Variants in ACBD6 observed in about 807,000 individuals in gnomAD.
ACBD6 encodes the protein acyl-CoA binding domain containing 6, also known as acyl-CoA-binding domain-containing protein 6.
Under a neutral mutation model 37.2 loss-of-function variants are expected in ACBD6, and 28 were observed. That is an observed-to-expected ratio of 0.75 (90% CI 0.56 to 1.03). The LOEUF (loss-of-function observed/expected upper bound fraction) is 1.03, where lower values mean the gene tolerates loss of function less well. Ranked by LOEUF, ACBD6 falls within the 50% of genes least tolerant of loss-of-function variation. The pLI is 0.00. For synonymous variants in ACBD6, 113 were observed against 126.8 expected (o/e 0.89, Z 0.73); for missense variants, 340 against 337.4 (o/e 1.01, Z -0.06).
chr1:180,319,390 T>G (rs549996442), intron 6 of ACBD6, among the ~76,000 whole-genome samples: 23 of 152,338 alleles, frequency 1.5e-4, no homozygotes, highest in African/African-American at 5.5e-4. Context: ...AGTAGGTATA[T>G]ATATTTGTGG....
At chr1:180,321,863 T>G (rs1192354916) in intron 6 of ACBD6, among the ~76,000 whole-genome samples, 2 of 152,160 alleles carry the variant, frequency 1.3e-5, no homozygotes, top group Non-Finnish European at 2.9e-5. Context: ...TGCCCTTTAT[T>G]TCTTTTTCTT....
chr1:180,378,650 A>G (rs1007290097), intron 6 of ACBD6, among the ~76,000 whole-genome samples: 3 of 152,344 alleles, frequency 2.0e-5, no homozygotes, highest in African/African-American at 7.2e-5. Context: ...TTCAAGACAG[A>G]AAGCAGGAAA....
chr1:180,271,829 T>C, exon 14 of ACBD6: 1 of 1,613,740 alleles, frequency 6.2e-7, no homozygotes, highest in Non-Finnish European at 8.5e-7. Flanking sequence ...TGTGCTTGTG[T>C]GGCAGGTTTG....
At chr1:180,334,876 G>A (rs1651639676) in intron 6 of ACBD6, among the ~76,000 whole-genome samples, 1 of 152,188 alleles carries the variant, frequency 6.6e-6, no homozygotes, top group Non-Finnish European at 1.5e-5. Context: ...ACAAGCCTCA[G>A]TAGCCGATTC....
At chr1:180,271,069 G>A (rs1353429160) in exon 14 of ACBD6, 2 of 435,658 alleles carry the variant, frequency 4.6e-6, no homozygotes, top group African/African-American at 4.0e-5. Context: ...TCATGACAGG[G>A]ACGTGTGGAA....
intron 5 of ACBD6, among the ~76,000 whole-genome samples, chr1:180,402,203 T>A (rs1647401555): frequency 6.6e-6 from 1 of 152,116 alleles, no homozygotes; most frequent in African/African-American, 2.4e-5. Context: ...CTCCCCTACC[T>A]GCAATCACCA....
chr1:180,466,367 T>C (rs1256392732), intron 3 of ACBD6, among the ~76,000 whole-genome samples: 2 of 152,164 alleles, frequency 1.3e-5, no homozygotes, highest in Non-Finnish European at 2.9e-5. Flanking sequence ...CTGGGACTAT[T>C]TGTGGCCACA....
At chr1:180,370,046 T>C (rs79283864) in intron 6 of ACBD6, among the ~76,000 whole-genome samples, 3,003 of 152,318 alleles carry the variant, frequency 0.02, 101 homozygotes, top group African/African-American at 0.067. Flanking sequence ...TCTTAGCTTA[T>C]ATCAAACACA....
chr1:180,271,079 A>C, exon 14 of ACBD6: 2 of 452,162 alleles, frequency 4.4e-6, no homozygotes, highest in Non-Finnish European at 8.3e-6. Flanking sequence ...GACGTGTGGA[A>C]TTGGGTACAT....
intron 8 of ACBD6, among the ~76,000 whole-genome samples, chr1:180,282,147 A>T (rs182948678): frequency 4.6e-4 from 70 of 152,366 alleles, no homozygotes; most frequent in African/African-American, 1.6e-3. Context: ...TGGGCAAGTT[A>T]CAGGGTGTCC....
At chr1:180,356,862 A>G (rs1004918228) in intron 6 of ACBD6, among the ~76,000 whole-genome samples, 2 of 151,978 alleles carry the variant, frequency 1.3e-5, no homozygotes. Context: ...AAAGAAAAAA[A>G]AAAACAAAGA....
At chr1:180,304,973 G>C (rs1650292110) in intron 7 of ACBD6, among the ~76,000 whole-genome samples, 1 of 152,054 alleles carries the variant, frequency 6.6e-6, no homozygotes, top group Admixed American at 6.6e-5. Context: ...TCTGATCTTT[G>C]ACAAACCTGA....
intron 3 of ACBD6, among the ~76,000 whole-genome samples, chr1:180,483,353 C>T (rs946947519): frequency 2.6e-5 from 4 of 152,132 alleles, no homozygotes; most frequent in Non-Finnish European, 5.9e-5. Flanking sequence ...TATCCTTCTT[C>T]CCTGCTTTCT....
In ACBD6 at chr1:180,343,440, TG is replaced by T. The variant is rs1273156576; in HGVS notation, c.664-28719del. Among the ~76,000 whole-genome samples the T allele has an allele frequency of 2.0e-5, 3 of 152,308 alleles. No homozygotes were observed. The East Asian group carries it at 5.8e-4, about 29-fold the overall frequency. ...ATGATTCTTTACCATACCTTTAAAA[TG>T]GTAGAGAATCATGGAAGCTCCCTTC... On this transcript the variant is annotated intron_variant, in intron 6 of 7. Transcript: ENST00000367595.
At chr1:180,444,626 C>G (rs1459672900) in intron 3 of ACBD6, among the ~76,000 whole-genome samples, 1 of 152,228 alleles carries the variant, frequency 6.6e-6, no homozygotes, top group East Asian at 1.9e-4. Context: ...TTGATATCCA[C>G]TCCAGTGAAA....
intron 6 of ACBD6, among the ~76,000 whole-genome samples, chr1:180,325,830 T>C (rs2149297362): frequency 6.6e-6 from 1 of 152,336 alleles, no homozygotes; most frequent in South Asian, 2.1e-4. Context: ...TTATCTGGAT[T>C]ATCAGACAGA....
chr1:180,311,305 G>C (rs551422331), intron 7 of ACBD6, among the ~76,000 whole-genome samples: 1 of 152,290 alleles, frequency 6.6e-6, no homozygotes, highest in African/African-American at 2.4e-5. Context: ...CTGTGCCATG[G>C]ATAAGAAAGT....
chr1:180,438,798 T>A lies in ACBD6; in HGVS notation c.385-8536A>T, dbSNP rs551671521. Among the ~76,000 whole-genome samples, 3 of 152,300 alleles carry A rather than the reference T, an allele frequency of 2.0e-5. No homozygotes were observed. In the South Asian group the frequency reaches 6.2e-4, roughly 32 times the overall value. Reference sequence around the variant, plus strand: ...GTCCATAGTTTACATTAGGGTTCACTCTTGTATTGAACATTCTATGGGTTT... The same window carrying A: ...GTCCATAGTTTACATTAGGGTTCACACTTGTATTGAACATTCTATGGGTTT... On this transcript the variant is annotated intron_variant, in intron 3 of 7. Coordinates refer to ENST00000367595, the MANE Select transcript of ACBD6 (RefSeq NM_032360.4).
intron 10 of ACBD6, chr1:180,274,609 C>T (rs771166162): frequency 3.9e-6 from 6 of 1,527,992 alleles, no homozygotes; most frequent in Non-Finnish European, 3.5e-6. Flanking sequence ...TACCTGCCCC[C>T]CTGGCTTGAG....
Sources: allele counts gnomAD v4.1 joint callset (sites outside exome capture counted in the v4.1 genomes callset), GRCh38; gene constraint gnomAD v4.1.1; transcripts MANE v1.5; gene names NCBI Gene and HGNC (gene_info 2026-07-23, HGNC 2026-07-21).